The following L3MBTL4 variants were observed in gnomAD, a reference collection of about 807,000 sequenced individuals.
L3MBTL4 encodes the protein L3MBTL histone methyl-lysine binding protein 4.
Under a neutral mutation model 84.5 loss-of-function variants are expected in L3MBTL4, and 70 were observed. The observed-to-expected ratio is 0.83, with a 90% CI of 0.68 to 1.01. The LOEUF is 1.01. Ranked by LOEUF, L3MBTL4 falls within the 50% of genes least tolerant of loss-of-function variation. L3MBTL4 has a pLI of 0.00. For missense variants in L3MBTL4, 715 were observed against 754.8 expected (o/e 0.95, Z 0.62); for synonymous variants, 274 against 259.8 (o/e 1.05, Z -0.52).
At chr18:6,240,257 A>G (rs1332898120) in intron 8 of L3MBTL4, among the ~76,000 whole-genome samples, 1 of 152,092 alleles carries the variant, frequency 6.6e-6, no homozygotes, top group African/African-American at 2.4e-5. Context: ...TCCAAATGCC[A>G]CTATTTGAAA....
At chr18:5,962,837 C>A (rs912851345) in intron 17 of L3MBTL4, among the ~76,000 whole-genome samples, 4 of 152,192 alleles carry the variant, frequency 2.6e-5, no homozygotes, top group African/African-American at 4.8e-5. Flanking sequence ...AACCTCAATA[C>A]TGACACCTCG....
At chr18:6,302,032 T>G in intron 3 of L3MBTL4, 75 bp from the exon 4 acceptor site, 1 of 1,207,716 alleles carries the variant, frequency 8.3e-7, no homozygotes, top group East Asian at 2.3e-5. Context: ...ATGTTCCTTT[T>G]TGCAGGAAGG....
At chr18:6,224,940 AC>A (rs1253675959) in intron 10 of L3MBTL4, among the ~76,000 whole-genome samples, 2 of 152,140 alleles carry the variant, frequency 1.3e-5, no homozygotes, top group African/African-American at 4.8e-5. Flanking sequence ...GAAAAAAAAA[AC>A]AAGGAAAACA....
intron 14 of L3MBTL4, among the ~76,000 whole-genome samples, chr18:6,137,016 C>T (rs1485579900): frequency 6.6e-6 from 1 of 152,220 alleles, no homozygotes; most frequent in East Asian, 1.9e-4. Flanking sequence ...TGCTCCTGCT[C>T]TAAAACTTTT....
At chr18:6,272,228 C>A (rs370751997) in intron 4 of L3MBTL4, among the ~76,000 whole-genome samples, 3 of 152,026 alleles carry the variant, frequency 2.0e-5, no homozygotes, top group East Asian at 1.9e-4. Context: ...AGGGGGAGGA[C>A]CCTGAGATAA....
chr18:6,032,839 C>T (rs564747782), intron 16 of L3MBTL4, among the ~76,000 whole-genome samples: 1 of 152,306 alleles, frequency 6.6e-6, no homozygotes, highest in South Asian at 2.1e-4. Context: ...TTTCATCTCA[C>T]AGTTCATCCG....
intron 16 of L3MBTL4, among the ~76,000 whole-genome samples, chr18:6,020,097 A>C (rs1309044414): frequency 6.6e-6 from 1 of 152,176 alleles, no homozygotes; most frequent in South Asian, 2.1e-4. Context: ...GAGACAGTTA[A>C]ATAATTAAAA....
At chr18:6,098,629 C>A (rs1028273242) in intron 14 of L3MBTL4, among the ~76,000 whole-genome samples, 5 of 152,160 alleles carry the variant, frequency 3.3e-5, no homozygotes, top group African/African-American at 1.2e-4. Flanking sequence ...AAGAGGGGCT[C>A]AGATGTGGAA....
intron 4 of L3MBTL4, among the ~76,000 whole-genome samples, chr18:6,299,640 A>G (rs550356365): frequency 5.9e-5 from 9 of 152,204 alleles, no homozygotes; most frequent in Non-Finnish European, 1.0e-4. Context: ...TTATAAAATC[A>G]CTACTAAGAA....
chr18:6,219,822 G>C (rs1205644059), intron 10 of L3MBTL4, among the ~76,000 whole-genome samples: 1 of 151,994 alleles, frequency 6.6e-6, no homozygotes, highest in African/African-American at 2.4e-5. Context: ...GAACTACTTG[G>C]GATGTGGCAA....
At chr18:6,062,135 A>G (rs1376739981) in intron 16 of L3MBTL4, among the ~76,000 whole-genome samples, 2 of 151,814 alleles carry the variant, frequency 1.3e-5, no homozygotes, top group African/African-American at 4.8e-5. Context: ...TCTCTGGAAA[A>G]CTTATTTTAA....
chr18:6,029,723 T>C, intron 16 of L3MBTL4: 2 of 985,078 alleles, frequency 2.0e-6, no homozygotes, highest in Non-Finnish European at 2.4e-6. Flanking sequence ...AGTTAAATCA[T>C]AAATTTATTG....
At chr18:6,016,187 C>T (rs1280983415) in intron 16 of L3MBTL4, among the ~76,000 whole-genome samples, 5 of 152,046 alleles carry the variant, frequency 3.3e-5, no homozygotes, top group Admixed American at 3.3e-4. Context: ...AGGAACAGAC[C>T]ATGTGTTTAG....
chr18:6,239,374 A>T (rs2047359823), intron 9 of L3MBTL4, among the ~76,000 whole-genome samples: 1 of 108,940 alleles, frequency 9.2e-6, no homozygotes, highest in African/African-American at 3.8e-5. Context: ...GATAAGGTAC[A>T]TTTAAGATTT....
intron 15 of L3MBTL4, among the ~76,000 whole-genome samples, chr18:6,083,757 T>C (rs1314580577): frequency 1.3e-5 from 2 of 152,184 alleles, no homozygotes. Context: ...GCTGTTGCTG[T>C]CGCAAGTGTC....
chr18:6,137,684 AT>A (rs2060065475), intron 14 of L3MBTL4, among the ~76,000 whole-genome samples: 1 of 152,226 alleles, frequency 6.6e-6, no homozygotes, highest in Admixed American at 6.5e-5. Flanking sequence ...TATTCGTATT[AT>A]TTTTCTTCAA....
intron 16 of L3MBTL4, among the ~76,000 whole-genome samples, chr18:6,075,296 A>C (rs1248300314): frequency 6.6e-6 from 1 of 152,124 alleles, no homozygotes; most frequent in Non-Finnish European, 1.5e-5. Flanking sequence ...AAAGTTATGT[A>C]ATCAAGACAC....
intron 13 of L3MBTL4, among the ~76,000 whole-genome samples, chr18:6,142,948 A>C: frequency 6.6e-6 from 1 of 152,192 alleles, no homozygotes; most frequent in East Asian, 1.9e-4. Context: ...CAGTAAATAA[A>C]AGGATCTACC....
At chr18:6,217,695 T>A (rs2046384074) in intron 10 of L3MBTL4, among the ~76,000 whole-genome samples, 1 of 152,236 alleles carries the variant, frequency 6.6e-6, no homozygotes, top group Non-Finnish European at 1.5e-5. Context: ...TGATGTTACA[T>A]CATTCTGTAC....
Sources: gnomAD v4.1 joint callset for allele counts (sites outside exome capture counted in the v4.1 genomes callset) on GRCh38, gnomAD v4.1.1 for gene constraint, MANE v1.5 for transcripts, NCBI Gene and HGNC (gene_info 2026-07-23, HGNC 2026-07-21) for gene names.